WT1: variants seen among roughly 807,000 people sequenced by gnomAD.
The protein encoded by WT1 is Wilms tumor protein.
Under a neutral mutation model 60.8 loss-of-function variants are expected in WT1, and 8 were observed. The observed-to-expected ratio is 0.13, with a 90% CI of 0.08 to 0.24. WT1 has a LOEUF of 0.24. Ranked by LOEUF, WT1 falls within the 10% of genes least tolerant of loss-of-function variation. The probability of loss-of-function intolerance (pLI) is 1.00; values close to 1 mark genes in which losing one functional copy is unlikely to be tolerated. For missense variants in WT1, 568 were observed against 711.8 expected (o/e 0.80, Z 2.30); for synonymous variants, 312 against 297.1 (o/e 1.05, Z -0.52).
At chr11:32,412,869 T>C (rs1447940463) in intron 5 of WT1, among the ~76,000 whole-genome samples, 11 of 151,578 alleles carry the variant, frequency 7.3e-5, no homozygotes, top group Admixed American at 7.2e-4. Context: ...AGAAAATGAG[T>C]AAAGGGAGAA....
At chr11:32,414,941 A>G (rs748331975) in intron 5 of WT1, among the ~76,000 whole-genome samples, 2 of 152,242 alleles carry the variant, frequency 1.3e-5, no homozygotes, top group Non-Finnish European at 2.9e-5. Context: ...TAACGGACCA[A>G]TGAAAACTCT....
rs2132913818 is a variant in WT1 at position 32,391,991 on chromosome 11, C to T, written c.1428G>A (p.Arg476=). Residue 476 remains arginine (R), a synonymous_variant, in exon 9 of 10, where the codon AGG becomes AGA. Transcript: ENST00000452863. Reference sequence around the variant, plus strand: ...ACGCACTTGTTTTACCTGTATGAGTCCTGGTGTGGGTCTTCAGGTGGTCGG... The same window carrying T: ...ACGCACTTGTTTTACCTGTATGAGTTCTGGTGTGGGTCTTCAGGTGGTCGG... 1 of 1,614,064 alleles carries T rather than the reference C, an allele frequency of 6.2e-7. No individual in the cohort carries two copies. The highest frequency in any genetic ancestry group is 8.5e-7 in the Non-Finnish European group (1 of 1,179,992).
At chr11:32,389,310 C>T in intron 9 of WT1, 131 bp from the exon 10 acceptor site, 1 of 1,449,110 alleles carries the variant, frequency 6.9e-7, no homozygotes, top group Admixed American at 1.8e-5. Context: ...CTGAGCTAAC[C>T]AACTGAGCTC....
intron 1 of WT1, chr11:32,430,897 C>A: frequency 2.6e-6 from 3 of 1,134,286 alleles, no homozygotes; most frequent in Non-Finnish European, 3.3e-6. Flanking sequence ...CTGGGCCCAG[C>A]GCTTGGCCTG....
intron 6 of WT1, among the ~76,000 whole-genome samples, chr11:32,397,803 T>C (rs1409245955): frequency 2.6e-5 from 4 of 152,156 alleles, no homozygotes; most frequent in South Asian, 2.1e-4. Context: ...CAACACAACA[T>C]TGATGTTAAT....
At chr11:32,415,858 A>C (rs748407335) in intron 5 of WT1, among the ~76,000 whole-genome samples, 47 of 152,142 alleles carry the variant, frequency 3.1e-4, no homozygotes, top group Non-Finnish European at 6.8e-4. Context: ...GATGAAATAC[A>C]ACTCTGTTGA....
chr11:32,435,199 G>T lies in WT1; in HGVS notation c.162C>A (p.Ser54Arg), dbSNP rs776954184. Residue 54 changes from serine to arginine, a missense_variant, in exon 1 of 10, where the codon AGC becomes AGA. This residue lies in a region of WT1 where 523 missense variants were observed against 565.1 expected (regional missense o/e 0.93). Transcript: ENST00000452863. ...TCCTCCGGCCCTGGAGACGTTCAGC[G>T]CTGGCCTCGGCGGCGCCTAACTTGG... The T allele has an allele frequency of 1.3e-6, 2 of 1,530,932 alleles. No homozygotes were observed. The highest frequency in any genetic ancestry group is 1.4e-5 in the African/African-American group (1 of 72,802). 94.8% of individuals were successfully genotyped at this position (1,530,932 alleles called of 1,614,324 possible). A position where few individuals can be genotyped will look rare whatever the true frequency, so the allele number is the denominator to read the frequency against.
intron 5 of WT1, chr11:32,400,667 G>A (rs1852127001): frequency 5.7e-6 from 1 of 174,272 alleles, no homozygotes; most frequent in Non-Finnish European, 1.2e-5. Context: ...CCTAACTGGT[G>A]CTCAGGTTAA....
intron 8 of WT1, among the ~76,000 whole-genome samples, 154 bp from the exon 9 acceptor site, chr11:32,392,218 G>A (rs1851839610): frequency 6.6e-6 from 1 of 152,146 alleles, no homozygotes; most frequent in Non-Finnish European, 1.5e-5. Context: ...CAGTCCCCCA[G>A]GCCCAACAAG....
At chr11:32,428,640 A>C in intron 1 of WT1, 21 bp from the exon 2 acceptor site, 1 of 1,610,284 alleles carries the variant, frequency 6.2e-7, no homozygotes, top group Non-Finnish European at 8.5e-7. Context: ...GGCGGAGAGA[A>C]GCACAGTGTC....
chr11:32,413,133 A>G (rs772959838), intron 5 of WT1, among the ~76,000 whole-genome samples: 4 of 152,202 alleles, frequency 2.6e-5, no homozygotes, highest in Non-Finnish European at 4.4e-5. Flanking sequence ...AGTGGGGTTT[A>G]GTCTGAGGTG....
Position 32,417,552 on chromosome 11 carries a change from G to A in WT1, c.965+25C>T, listed in dbSNP as rs748087178. 3.8e-6 allele frequency: 6 copies of A among 1,597,030 alleles called. No individual in the cohort carries two copies. The South Asian group carries it at 4.4e-5, about 12-fold the overall frequency. On this transcript the variant is annotated intron_variant, in intron 4 of 9. Transcript: ENST00000452863. The stretch of plus-strand genomic sequence containing the variant: ...AAACAGGTATAAGTTACTGTGGAAA[G>A]GCAATGGAATAGAGAAAACCTTACC...
intron 1 of WT1, chr11:32,430,766 C>T: frequency 7.5e-7 from 1 of 1,332,026 alleles, no homozygotes; most frequent in Non-Finnish European, 9.6e-7. Flanking sequence ...AAAGACCGGC[C>T]TCAAACCCTC....
At chr11:32,434,628 G>C in intron 1 of WT1, 72 bp downstream of exon 1, 5 of 1,607,842 alleles carry the variant, frequency 3.1e-6, no homozygotes, top group Non-Finnish European at 4.2e-6. Flanking sequence ...GGTAGGAGAG[G>C]GGGGTGTCCT....
chr11:32,420,020 C>T (rs1394208596), intron 3 of WT1, among the ~76,000 whole-genome samples: 6 of 152,084 alleles, frequency 3.9e-5, no homozygotes, highest in Non-Finnish European at 8.8e-5. Context: ...TTTTCTTGGC[C>T]CTCAGAAGGC....
chr11:32,432,409 G>A (rs143761202), intron 1 of WT1, among the ~76,000 whole-genome samples: 3 of 152,188 alleles, frequency 2.0e-5, no homozygotes, highest in African/African-American at 7.2e-5. Flanking sequence ...CCAGAATCTC[G>A]AGGGCCACCC....
chr11:32,422,029 T>C (rs1852872892), intron 3 of WT1, among the ~76,000 whole-genome samples: 1 of 152,232 alleles, frequency 6.6e-6, no homozygotes, highest in Admixed American at 6.5e-5. Flanking sequence ...TTTTCGGTAA[T>C]AGCTGTGTCC....
chr11:32,412,744 G>T (rs1450919301), intron 5 of WT1, among the ~76,000 whole-genome samples: 1 of 151,636 alleles, frequency 6.6e-6, no homozygotes, highest in Non-Finnish European at 1.5e-5. Context: ...TTGTTTGGGG[G>T]TGAGGGAGAA....
intron 3 of WT1, among the ~76,000 whole-genome samples, chr11:32,424,594 T>C (rs72909480): frequency 0.046 from 7,000 of 152,280 alleles, 218 homozygotes; most frequent in Non-Finnish European, 0.074. Context: ...ACCTTGTATA[T>C]GAGAGGAGAG....
Sources: allele counts gnomAD v4.1 joint callset (sites outside exome capture counted in the v4.1 genomes callset), GRCh38; gene constraint gnomAD v4.1.1; regional missense constraint gnomAD v4.1.1; transcripts MANE v1.5; gene names NCBI Gene and HGNC (gene_info 2026-07-23, HGNC 2026-07-21).